PAG1: variants seen among roughly 807,000 people sequenced by gnomAD.
PAG1 encodes the protein phosphoprotein associated with glycosphingolipid-enriched microdomains 1.
In PAG1, 23 loss-of-function variants were observed where a neutral mutation model predicts 31.7. The ratio of observed to expected loss-of-function variants is 0.73; its 90% confidence interval spans 0.52 to 1.03. The LOEUF (loss-of-function observed/expected upper bound fraction) is 1.03, where lower values mean the gene tolerates loss of function less well. Ranked by LOEUF, PAG1 falls within the 50% of genes least tolerant of loss-of-function variation. The pLI is 0.00. For missense variants in PAG1, 473 were observed against 540.7 expected (o/e 0.87, Z 1.24); for synonymous variants, 214 against 210.3 (o/e 1.02, Z -0.15).
intron 4 of PAG1, 70 bp downstream of exon 4, chr8:80,993,033 C>A: frequency 7.2e-7 from 1 of 1,392,618 alleles, no homozygotes; most frequent in East Asian, 2.5e-5. Context: ...AACAGGCTTT[C>A]CACAGAAACT....
At chr8:81,059,181 A>C (rs1286371354) in intron 2 of PAG1, among the ~76,000 whole-genome samples, 1 of 152,116 alleles carries the variant, frequency 6.6e-6, no homozygotes, top group African/African-American at 2.4e-5. Context: ...TACTTAATAC[A>C]TTGTAAATGC....
At chr8:80,982,496 A>G (rs1424791732) in intron 7 of PAG1, among the ~76,000 whole-genome samples, 1 of 151,984 alleles carries the variant, frequency 6.6e-6, no homozygotes, top group East Asian at 1.9e-4. Context: ...TCCAGGCTCT[A>G]TTTACACTCA....
rs535911097 is a variant in PAG1 at position 81,048,360 on chromosome 8, G to C, written c.-174-18271C>G. Among the ~76,000 whole-genome samples the C allele has an allele frequency of 6.5e-4, 99 of 152,160 alleles. 1 individual carries two copies. The highest frequency in any genetic ancestry group is 3.4e-3 in the Middle Eastern group (1 of 294). Reference sequence around the variant, plus strand: ...CATCTCTTCATTTACTCTACCCAAGGGGAGGTTGAGTGACATACATGTCTA... The same window carrying C: ...CATCTCTTCATTTACTCTACCCAAGCGGAGGTTGAGTGACATACATGTCTA... On this transcript the variant is annotated intron_variant, in intron 2 of 8. Coordinates refer to ENST00000220597, the MANE Select transcript of PAG1 (RefSeq NM_018440.4).
At chr8:81,054,274 T>C (rs1465883548) in intron 2 of PAG1, among the ~76,000 whole-genome samples, 1 of 152,184 alleles carries the variant, frequency 6.6e-6, no homozygotes, top group Non-Finnish European at 1.5e-5. Flanking sequence ...TCCAAAACGT[T>C]GGCTCTGATT....
intron 1 of PAG1, among the ~76,000 whole-genome samples, chr8:81,089,446 T>C (rs1431010348): frequency 1.3e-5 from 2 of 152,092 alleles, no homozygotes; most frequent in African/African-American, 4.8e-5. Context: ...TGGGTGCCTG[T>C]AGTCCCAGCT....
intron 2 of PAG1, among the ~76,000 whole-genome samples, chr8:81,055,012 A>C (rs1407913601): frequency 6.6e-6 from 1 of 152,074 alleles, no homozygotes; most frequent in Middle Eastern, 3.2e-3. Context: ...GGATACAATG[A>C]CTAAGCCAAG....
chr8:81,095,205 G>A (rs917772490), intron 1 of PAG1, among the ~76,000 whole-genome samples: 3 of 152,160 alleles, frequency 2.0e-5, no homozygotes, highest in Admixed American at 2.0e-4. Context: ...GGGCTGTGAG[G>A]TCCAATCTGG....
intron 4 of PAG1, among the ~76,000 whole-genome samples, 180 bp from the exon 5 acceptor site, chr8:80,991,710 G>A (rs1807552081): frequency 6.6e-6 from 1 of 152,150 alleles, no homozygotes; most frequent in South Asian, 2.1e-4. Context: ...AGGTGCTGGG[G>A]AAGAGGAGTT....
At chr8:81,081,023 T>C (rs1809257277) in intron 1 of PAG1, among the ~76,000 whole-genome samples, 1 of 152,182 alleles carries the variant, frequency 6.6e-6, no homozygotes, top group Non-Finnish European at 1.5e-5. Flanking sequence ...GGGACCAGAC[T>C]GTCCAGTCCA....
chr8:80,987,503 C>T (rs751514332), intron 5 of PAG1, 37 bp from the exon 6 acceptor site: 1 of 1,405,266 alleles, frequency 7.1e-7, no homozygotes, highest in Non-Finnish European at 1.0e-6. Context: ...AAATGCATCA[C>T]ATTGCTAAGA....
chr8:80,979,078 T>C (rs1417694847), intron 8 of PAG1, among the ~76,000 whole-genome samples: 1 of 152,260 alleles, frequency 6.6e-6, no homozygotes, highest in Non-Finnish European at 1.5e-5. Context: ...AAAACTTTCA[T>C]ATTTATTTTT....
rs1337551266 is a variant in PAG1, at chr8:80,973,995, T to A, written c.*2549A>T. On this transcript the variant is annotated 3_prime_UTR_variant, in exon 9 of 9. Coordinates refer to ENST00000220597, the MANE Select transcript of PAG1 (RefSeq NM_018440.4). ...AAAAGTACACTGAAAATACTTTATA[T>A]CACAGCTTATTCTAACCACTGGTTC... is the stretch of plus-strand genomic sequence containing the variant. The A allele has an allele frequency of 6.6e-6, 1 of 152,204 alleles. No individual in the cohort carries two copies. The highest frequency in any genetic ancestry group is 2.4e-5 in the African/African-American group (1 of 41,454). The allele number at this position is 152,204 out of a possible 1,614,324, so 9.4% of individuals were successfully genotyped here. A position where few individuals can be genotyped will look rare whatever the true frequency, so the allele number is the denominator to read the frequency against.
At chr8:80,981,872 T>C (rs1275065755) in intron 7 of PAG1, among the ~76,000 whole-genome samples, 2 of 145,090 alleles carry the variant, frequency 1.4e-5, no homozygotes, top group African/African-American at 5.3e-5. Context: ...CTTTTTTTTT[T>C]TTTTTTTTTT....
intron 1 of PAG1, among the ~76,000 whole-genome samples, chr8:81,093,471 A>G (rs768307697): frequency 7.9e-5 from 12 of 152,180 alleles, no homozygotes; most frequent in Non-Finnish European, 1.3e-4. Flanking sequence ...CCTCTCCCTC[A>G]TGCAAATCCA....
chr8:81,061,454 G>A (rs1389768983), intron 2 of PAG1, among the ~76,000 whole-genome samples: 1 of 152,182 alleles, frequency 6.6e-6, no homozygotes, highest in African/African-American at 2.4e-5. Flanking sequence ...ATACTAATCA[G>A]ATGCTGCAAC....
rs527394333 is a variant in PAG1 at position 81,035,954 on chromosome 8, T to C, written c.-174-5865A>G. Reference sequence around the variant, plus strand: ...AAACACATATTAACACATGTGTATATACATTTATATTTGACTAAAATCTAA... The same window carrying C: ...AAACACATATTAACACATGTGTATACACATTTATATTTGACTAAAATCTAA... On this transcript the variant is annotated intron_variant, in intron 2 of 8. Coordinates refer to ENST00000220597, the MANE Select transcript of PAG1 (RefSeq NM_018440.4). Among the ~76,000 whole-genome samples the C allele has an allele frequency of 9.9e-5, 15 of 151,938 alleles. No homozygotes were observed. The East Asian group carries it at 2.7e-3, about 27-fold the overall frequency.
intron 8 of PAG1, among the ~76,000 whole-genome samples, chr8:80,979,561 A>C (rs1427996397): frequency 6.6e-6 from 1 of 152,212 alleles, no homozygotes; most frequent in Admixed American, 6.5e-5. Context: ...AGGGTGGGCA[A>C]TATCACCTAG....
At chr8:81,042,905 T>C (rs1808578523) in intron 2 of PAG1, among the ~76,000 whole-genome samples, 1 of 152,206 alleles carries the variant, frequency 6.6e-6, no homozygotes, top group Non-Finnish European at 1.5e-5. Flanking sequence ...TTTCTGCAAC[T>C]GGCTCTCATC....
intron 2 of PAG1, among the ~76,000 whole-genome samples, chr8:81,065,973 T>C (rs1450928714): frequency 1.3e-5 from 2 of 151,448 alleles, no homozygotes; most frequent in Non-Finnish European, 3.0e-5. Flanking sequence ...AACAAGTACA[T>C]AGGGTTATTC....
Sources: allele counts gnomAD v4.1 joint callset (sites outside exome capture counted in the v4.1 genomes callset), GRCh38; gene constraint gnomAD v4.1.1; transcripts MANE v1.5; gene names NCBI Gene and HGNC (gene_info 2026-07-23, HGNC 2026-07-21).